The following TLE3 variants were observed in gnomAD, a reference collection of about 807,000 sequenced individuals.
TLE3 encodes transducin-like enhancer protein 3.
A neutral mutation model predicts 93.0 loss-of-function variants in TLE3; 14 were observed. The observed-to-expected ratio is 0.15, with a 90% confidence interval of 0.10 to 0.24. The LOEUF (loss-of-function observed/expected upper bound fraction) is 0.24. TLE3 is among the 10% of genes least tolerant of loss of function. The pLI is 1.00. For synonymous variants in TLE3, 451 were observed against 425.0 expected (o/e 1.06, Z -0.75); for missense variants, 693 against 1,046.6 (o/e 0.66, Z 4.66).
rs1217645826 is a variant in TLE3 at position 70,057,481 on chromosome 15, G to A, written c.1229C>T (p.Ser410Leu). 6 of 1,606,722 alleles carry A rather than the reference G, an allele frequency of 3.7e-6. No individual in the cohort carries two copies. The highest frequency in any genetic ancestry group is 5.1e-6 in the Non-Finnish European group (6 of 1,176,742). Residue 410 changes from serine to leucine, a missense_variant, in exon 13 of 20, where the codon TCG (serine) becomes TTG (leucine). By Grantham distance (145) the Ser-to-Leu change is moderately radical (BLOSUM62 -2). Transcript: ENST00000451782. ...TACAGCTCCAAAGCTCACCATTGGC[G>A]ATCGGCCATAGGCAGCGGCTGCAGC... ...AAAAAAAYGR[S>L]PMVSFGAVGF...
At chr15:70,060,331 C>T (rs893400324) in intron 9 of TLE3, among the ~76,000 whole-genome samples, 199 bp downstream of exon 9, 12 of 152,166 alleles carry the variant, frequency 7.9e-5, no homozygotes, top group Non-Finnish European at 2.9e-5. Context: ...CACAGTGGCT[C>T]GCATGCTCAT....
chr15:70,092,002 A>G (rs1347034147), intron 4 of TLE3, among the ~76,000 whole-genome samples: 1 of 146,210 alleles, frequency 6.8e-6, no homozygotes, highest in Non-Finnish European at 1.5e-5. Flanking sequence ...TGAAGAATCC[A>G]GCCTGTTTGT....
rs77859914 is a variant in TLE3 at position 70,060,208 on chromosome 15, C to T, written c.714+322G>A. Among the ~76,000 whole-genome samples the T allele has an allele frequency of 3.4e-3, 514 of 152,330 alleles. 2 individuals carry two copies. Among genetic ancestry groups the T allele is most frequent in the African/African-American group, 0.012 (493 of 41,568 alleles). On this transcript the variant is annotated intron_variant, in intron 9 of 19. Transcript: ENST00000451782. ...TTTTGGGGGTCACTGGGAGCAGCCC[C>T]TTAGAGCCAAGTGGGATTCCGGCAG...
chr15:70,058,788 C>T lies in TLE3; in HGVS notation c.793G>A (p.Ala265Thr). Residue 265 changes from alanine to threonine, a missense_variant, in exon 11 of 20, where the codon GCA (alanine) becomes ACA (threonine). By Grantham distance (58) the Ala-to-Thr change is moderately conservative. This residue lies in a region of TLE3 where 405 missense variants were observed against 468.9 expected (regional missense o/e 0.86). Coordinates refer to ENST00000451782, the MANE Select transcript of TLE3 (RefSeq NM_001105192.3). The surrounding 1 kb of genome is among the most constrained non-coding windows in gnomAD (Gnocchi z 4.1). ...AGCCCATTTTCAGGAGGGGAGTGTGCCGGGCTGACCCGGGGCGTTGCGGGG... is the reference window on the plus strand; with the variant it reads ...AGCCCATTTTCAGGAGGGGAGTGTGTCGGGCTGACCCGGGGCGTTGCGGGG... ...EDPATPRVSP[A>T]HSPPENGLDK... is the part of the protein sequence containing the mutation. The T allele has an allele frequency of 6.3e-7, 1 of 1,599,656 alleles. No homozygotes were observed. The highest frequency in any genetic ancestry group is 1.1e-5 in the South Asian group (1 of 89,002).
chr15:70,071,604 A>G (rs1179445614), intron 6 of TLE3, among the ~76,000 whole-genome samples: 1 of 152,180 alleles, frequency 6.6e-6, no homozygotes, highest in Non-Finnish European at 1.5e-5. Flanking sequence ...AAATCCAATG[A>G]GCAAGAGAGC....
Position 70,096,785 on chromosome 15 carries a change from C to T in TLE3, c.14G>A (p.Gly5Asp). ...GTTGCAATTACTCACCGGATGTCTG[C>T]CCTGCGGATACATGGCAGGGAGGGG... MYPQ[G>D]RHPAPHQPGQ... The change falls in exon 1 of 20, where the codon GGC (glycine) becomes GAC (aspartate). Residue 5 changes from glycine to aspartate, a missense_variant. Coordinates refer to ENST00000451782, the MANE Select transcript of TLE3 (RefSeq NM_001105192.3). The T allele has an allele frequency of 6.2e-7, 1 of 1,613,420 alleles. No homozygotes were observed. The highest frequency in any genetic ancestry group is 8.5e-7 in the Non-Finnish European group (1 of 1,179,760).
chr15:70,076,189 A>G, intron 4 of TLE3, 31 bp from the exon 5 acceptor site: 1 of 1,606,924 alleles, frequency 6.2e-7, no homozygotes, highest in Non-Finnish European at 8.5e-7. Context: ...CATGAAGCTC[A>G]GGCAAATAAA....
At chr15:70,075,947 C>G in intron 5 of TLE3, 149 bp downstream of exon 5, 1 of 704,512 alleles carries the variant, frequency 1.4e-6, no homozygotes, top group Non-Finnish European at 2.4e-6. Context: ...GGAGAAGGCT[C>G]TGGAAATCTC....
intron 9 of TLE3, among the ~76,000 whole-genome samples, chr15:70,060,188 G>C (rs1296889210): frequency 6.6e-6 from 1 of 152,180 alleles, no homozygotes; most frequent in Non-Finnish European, 1.5e-5. Context: ...CCACATTTTG[G>C]GGGTCACTGG....
Position 70,058,201 on chromosome 15 carries a change from G to A in TLE3, c.1009C>T (p.Leu337Phe), listed in dbSNP as rs2056216252. 1.2e-6 allele frequency: 2 copies of A among 1,613,866 alleles called. No homozygotes were observed. The highest frequency in any genetic ancestry group is 8.5e-7 in the Non-Finnish European group (1 of 1,179,892). The stretch of plus-strand genomic sequence containing the variant: ...GGAGGTTTACCCGGCATCGACCTGA[G>A]CCCTGGGGTCGTGCTGGTGCCTGGA... ...PTPGTSTTPG[L>F]RSMPGKPPGM... The change falls in exon 12 of 20, where the codon CTC becomes TTC. Residue 337 changes from leucine (L) to phenylalanine (F), a missense_variant. Leu to Phe is a conservative substitution (Grantham distance 22). Around this residue, in one of 4 missense-constraint regions of TLE3, gnomAD observed 405 missense variants for 468.9 expected, o/e 0.86. Coordinates refer to ENST00000451782, the MANE Select transcript of TLE3 (RefSeq NM_001105192.3). The surrounding 1 kb of genome is among the most constrained non-coding windows in gnomAD (Gnocchi z 4.1).
chr15:70,056,428 C>A, intron 13 of TLE3, 54 bp from the exon 14 acceptor site: 1 of 1,539,894 alleles, frequency 6.5e-7, no homozygotes, highest in Non-Finnish European at 8.9e-7. Context: ...CACACCCCCA[C>A]CCCTGCCTCC....
At chr15:70,083,998 A>G (rs1019798163) in intron 4 of TLE3, among the ~76,000 whole-genome samples, 1 of 152,232 alleles carries the variant, frequency 6.6e-6, no homozygotes, top group Non-Finnish European at 1.5e-5. Flanking sequence ...GGCAGGAGTG[A>G]TGGCATTTCT....
chr15:70,066,335 G>A (rs2056816906), intron 6 of TLE3, 117 bp from the exon 7 acceptor site: 1 of 931,582 alleles, frequency 1.1e-6, no homozygotes, highest in Admixed American at 3.5e-5. Context: ...TCACTGGGTG[G>A]GTGGCAGGGG....
intron 8 of TLE3, among the ~76,000 whole-genome samples, chr15:70,062,051 GC>G (rs1181995259): frequency 1.3e-5 from 2 of 152,174 alleles, no homozygotes; most frequent in Non-Finnish European, 1.5e-5. Context: ...GAATAGTGCG[GC>G]AACCAGCCTC....
At chr15:70,055,471 G>C in intron 14 of TLE3, 173 bp from the exon 15 acceptor site, 1 of 797,838 alleles carries the variant, frequency 1.3e-6, no homozygotes, top group South Asian at 2.4e-5. Context: ...CTCCATCGAG[G>C]TAGACATGAT....
intron 3 of TLE3, among the ~76,000 whole-genome samples, chr15:70,095,129 G>A (rs1450121035): frequency 1.3e-5 from 2 of 152,190 alleles, no homozygotes; most frequent in Non-Finnish European, 2.9e-5. Context: ...CCCTGGGGAA[G>A]GAGGGCTTCT....
intron 4 of TLE3, among the ~76,000 whole-genome samples, chr15:70,087,092 A>G (rs1355677368): frequency 6.6e-6 from 1 of 152,206 alleles, no homozygotes; most frequent in African/African-American, 2.4e-5. Flanking sequence ...GAGAACCCTG[A>G]GCTGGAATAT....
chr15:70,057,494 C>A lies in TLE3; in HGVS notation c.1216G>T (p.Ala406Ser), dbSNP rs17854166. 4.4e-6 allele frequency: 7 copies of A among 1,608,310 alleles called. No homozygotes were observed. In the East Asian group the frequency reaches 1.1e-4, roughly 26 times the overall value. Residue 406 changes from alanine (A) to serine (S), a missense_variant, in exon 13 of 20, where the codon GCC (alanine) becomes TCC (serine). Ala to Ser is a moderately conservative substitution (Grantham distance 99, BLOSUM62 1). This residue lies in a region of TLE3 where 405 missense variants were observed against 468.9 expected (regional missense o/e 0.86). Transcript: ENST00000451782. ...CTCACCATTGGCGATCGGCCATAGG[C>A]AGCGGCTGCAGCAGCGGCGGCGGCG... is the stretch of plus-strand genomic sequence containing the variant. ...MSAAAAAAAA[A>S]YGRSPMVSFG...
At position 70,049,990 on chromosome 15, in the gene TLE3, G is replaced by A. The variant is rs577289858; in HGVS notation, c.*107C>T. ...GGAGCGCAGCCCTGAACGCTCGGCT[G>A]CCTGCGGCCCATCCTCCGCCATCCT... On this transcript the variant is annotated 3_prime_UTR_variant, in exon 20 of 20. Transcript: ENST00000451782. The A allele has an allele frequency of 2.8e-4, 257 of 904,760 alleles. 2 individuals are homozygous for A. In the South Asian group the frequency reaches 3.5e-3, roughly 12 times the overall value. 56.0% of individuals were successfully genotyped at this position (904,760 alleles called of 1,614,324 possible).
Sources: allele counts gnomAD v4.1 joint callset (sites outside exome capture counted in the v4.1 genomes callset), GRCh38; gene constraint gnomAD v4.1.1; regional missense constraint gnomAD v4.1.1; non-coding constraint Gnocchi (gnomAD v3.1); transcripts MANE v1.5; gene names NCBI Gene and HGNC (gene_info 2026-07-23, HGNC 2026-07-21).